Variants in COX19 observed in about 807,000 individuals in gnomAD.
The protein encoded by COX19 is cytochrome c oxidase assembly protein COX19.
A neutral mutation model predicts 6.8 loss-of-function variants in COX19; 8 were observed. That is an observed-to-expected ratio of 1.18 (90% CI 0.69 to 2.12). The LOEUF (loss-of-function observed/expected upper bound fraction) is 2.12, where lower values mean the gene tolerates loss of function less well. Ranked by LOEUF, COX19 falls within the 30% of genes most tolerant of loss-of-function variation. The probability of loss-of-function intolerance (pLI) is 0.00; values close to 1 mark genes in which losing one functional copy is unlikely to be tolerated. For synonymous variants in COX19, 51 were observed against 38.0 expected, an observed-to-expected ratio of 1.34 and a Z score of -1.26; for missense variants, 131 against 104.6, an observed-to-expected ratio of 1.25 and a Z score of -1.10.
chr7:973,057 A>G (rs955516470), intron 2 of COX19, 124 bp downstream of exon 2: 9 of 499,094 alleles, frequency 1.8e-5, no homozygotes, highest in Non-Finnish European at 3.0e-5. Context: ...ACAATTCCAC[A>G]GTCCTGAAAA....
intron 2 of COX19, among the ~76,000 whole-genome samples, chr7:971,981 C>G (rs1847643352): frequency 6.6e-6 from 1 of 152,232 alleles, no homozygotes; most frequent in African/African-American, 2.4e-5. Flanking sequence ...GGCACTGGCC[C>G]TGGCTCCCTT....
At chr7:972,103 C>G (rs537126575) in intron 2 of COX19, among the ~76,000 whole-genome samples, 99 of 152,120 alleles carry the variant, frequency 6.5e-4, no homozygotes, top group Non-Finnish European at 1.3e-3. Flanking sequence ...AGCTTGGCAG[C>G]GCCATGGAGA....
rs1043261004 is a variant in COX19 at position 969,238 on chromosome 7, G to A, written c.*140C>T. ...GGACGCCACTCCCTACCCAGGAGAC[G>A]CCCCCACAGGGCTGGAGCTTCTATT... is the stretch of plus-strand genomic sequence containing the variant. On this transcript the variant is annotated 3_prime_UTR_variant, in exon 3 of 3. Coordinates refer to ENST00000344111, the MANE Select transcript of COX19 (RefSeq NM_001031617.3). 43 of 661,398 alleles carry A rather than the reference G, an allele frequency of 6.5e-5. No individual in the cohort carries two copies. Among genetic ancestry groups the A allele is most frequent in the Middle Eastern group, 6.1e-4 (2 of 3,260 alleles). 41.0% of individuals were successfully genotyped at this position (661,398 alleles called of 1,614,324 possible). A position where few individuals can be genotyped will look rare whatever the true frequency, so the allele number is the denominator to read the frequency against.
rs1399617295 is a variant in COX19 at position 965,164 on chromosome 7, T to A, written c.*4214A>T. On this transcript the variant is annotated 3_prime_UTR_variant, in exon 3 of 3. Coordinates refer to ENST00000344111, the MANE Select transcript of COX19 (RefSeq NM_001031617.3). ...ACCATTCATGCCGGCATCATGCCTATTGGAAACTCTTTGAAGTTATTTTGA... is the reference window on the plus strand; with the variant it reads ...ACCATTCATGCCGGCATCATGCCTAATGGAAACTCTTTGAAGTTATTTTGA... Among the ~76,000 whole-genome samples, 1 of 151,384 alleles carries A rather than the reference T, an allele frequency of 6.6e-6. No homozygotes were observed. Among genetic ancestry groups the A allele is most frequent in the Non-Finnish European group, 1.5e-5 (1 of 68,038 alleles).
chr7:971,012 C>A (rs1459154566), intron 2 of COX19, among the ~76,000 whole-genome samples: 3 of 152,150 alleles, frequency 2.0e-5, no homozygotes, highest in Non-Finnish European at 4.4e-5. Context: ...TGGTGACATG[C>A]CCCCCGATCC....
chr7:971,803 GGAGCTTGCAGT>G (rs1847640094), intron 2 of COX19, among the ~76,000 whole-genome samples: 1 of 152,204 alleles, frequency 6.6e-6, no homozygotes, highest in African/African-American at 2.4e-5. Context: ...CCCGGGAGGC[GGAGCTTGCAGT>G]GAGCTGAGAT....
rs1194025628 is a variant in COX19 at position 968,938 on chromosome 7, A to G, written c.*440T>C. 1 of 153,322 alleles carries G rather than the reference A, an allele frequency of 6.5e-6. No homozygotes were observed. The highest frequency in any genetic ancestry group is 2.4e-5 in the African/African-American group (1 of 41,432). 9.5% of individuals were successfully genotyped at this position (153,322 alleles called of 1,614,324 possible). A position where few individuals can be genotyped will look rare whatever the true frequency, so the allele number is the denominator to read the frequency against. On this transcript the variant is annotated 3_prime_UTR_variant, in exon 3 of 3. Coordinates refer to ENST00000344111, the MANE Select transcript of COX19 (RefSeq NM_001031617.3). The stretch of plus-strand genomic sequence containing the variant: ...TCCACTTTTTTTTTTTTTCAAAGGA[A>G]ATGAACTGGCATATACGAATACAAA...
intron 2 of COX19, among the ~76,000 whole-genome samples, chr7:971,500 C>T (rs140683231): frequency 4.9e-4 from 74 of 151,856 alleles, no homozygotes; most frequent in Non-Finnish European, 7.9e-4. Flanking sequence ...AATAACCAAT[C>T]GAAATTCTAC....
At position 969,264 on chromosome 7, in the gene COX19, C is replaced by A; in HGVS notation, c.*114G>T. ...CCCCCACAGGGCTGGAGCTTCTATT[C>A]GAAGCCCATTTCTAAGGACACCACA... On this transcript the variant is annotated 3_prime_UTR_variant, in exon 3 of 3. Transcript: ENST00000344111. 2 of 725,050 alleles carry A rather than the reference C, an allele frequency of 2.8e-6. No homozygotes were observed. Among genetic ancestry groups the A allele is most frequent in the Non-Finnish European group, 4.9e-6 (2 of 406,344 alleles). The allele number at this position is 725,050 out of a possible 1,614,324, so 44.9% of individuals were successfully genotyped here.
chr7:970,297 G>A (rs1847617777), intron 2 of COX19, among the ~76,000 whole-genome samples: 1 of 151,962 alleles, frequency 6.6e-6, no homozygotes, highest in Non-Finnish European at 1.5e-5. Flanking sequence ...ACCACGCCCG[G>A]CTAATTCTTG....
At chr7:969,637 G>A (rs1193331817) in intron 2 of COX19, among the ~76,000 whole-genome samples, 181 bp from the exon 3 acceptor site, 1 of 152,134 alleles carries the variant, frequency 6.6e-6, no homozygotes, top group Non-Finnish European at 1.5e-5. Flanking sequence ...AGAGTCAACA[G>A]GACAATGAGG....
chr7:971,169 T>G lies in COX19; in HGVS notation c.195-1713A>C, dbSNP rs560110420. Among the ~76,000 whole-genome samples, 4 of 152,278 alleles carry G rather than the reference T, an allele frequency of 2.6e-5. No individual in the cohort carries two copies. In the East Asian group the frequency reaches 5.8e-4, roughly 22 times the overall value. On this transcript the variant is annotated intron_variant, in intron 2 of 2. Transcript: ENST00000344111. ...ACCAGCGTGTCTGTGTGACACCCGG[T>G]GCCTAAAACTAATCCCCAGGACAGG...
chr7:969,926 A>G (rs1562945617), intron 2 of COX19, among the ~76,000 whole-genome samples: 1 of 150,888 alleles, frequency 6.6e-6, no homozygotes, highest in Non-Finnish European at 1.5e-5. Context: ...ACCCAGATGG[A>G]ACTGAGACTC....
At chr7:974,745 G>C (rs1388042417) in intron 1 of COX19, among the ~76,000 whole-genome samples, 1 of 151,288 alleles carries the variant, frequency 6.6e-6, no homozygotes, top group Non-Finnish European at 1.5e-5. Flanking sequence ...TGCAACCTCC[G>C]TCTCCCGGTT....
chr7:969,412 T>C lies in COX19; in HGVS notation c.239A>G (p.Asp80Gly). The stretch of plus-strand genomic sequence containing the variant: ...TGCCTCTGATTTTCCACTAGTCAAG[T>C]CTCCAAATCCCAGTTTCTCCAATGG... ...QEPLEKLGFG[D>G]LTSGKSEAKK The change falls in exon 3 of 3, where the codon GAC (aspartate) becomes GGC (glycine). Residue 80 changes from aspartate to glycine, a missense_variant. Asp to Gly is a moderately conservative substitution (Grantham distance 94). Transcript: ENST00000344111. 1 of 1,612,122 alleles carries C rather than the reference T, an allele frequency of 6.2e-7. No individual in the cohort carries two copies. Among genetic ancestry groups the C allele is most frequent in the Non-Finnish European group, 8.5e-7 (1 of 1,178,296 alleles).
Position 965,217 on chromosome 7 carries a change from T to C in COX19, c.*4161A>G, listed in dbSNP as rs533605409. The stretch of plus-strand genomic sequence containing the variant: ...CGAGAATCGACTCAATCTATTCCAC[T>C]ATAGTTTCATACAAAGCATATTTTT... On this transcript the variant is annotated 3_prime_UTR_variant, in exon 3 of 3. Coordinates refer to ENST00000344111, the MANE Select transcript of COX19 (RefSeq NM_001031617.3). Among the ~76,000 whole-genome samples, 56 of 152,330 alleles carry C rather than the reference T, an allele frequency of 3.7e-4. No individual in the cohort carries two copies. In the South Asian group the frequency reaches 9.5e-3, roughly 26 times the overall value.
rs1024962400 is a variant in COX19, at chr7:969,156, C to T, written c.*222G>A. 20 of 506,496 alleles carry T rather than the reference C, an allele frequency of 3.9e-5. No individual in the cohort carries two copies. The highest frequency in any genetic ancestry group is 2.0e-4 in the African/African-American group (10 of 50,868). The allele number at this position is 506,496 out of a possible 1,614,324, so 31.4% of individuals were successfully genotyped here. A position where few individuals can be genotyped will look rare whatever the true frequency, so the allele number is the denominator to read the frequency against. On this transcript the variant is annotated 3_prime_UTR_variant, in exon 3 of 3. Coordinates refer to ENST00000344111, the MANE Select transcript of COX19 (RefSeq NM_001031617.3). ...ACGCTCGCCTCCCTCCCAGCTTTGC[C>T]GGGAACGCCGTCCCACTCAGGGGTT...
chr7:973,294 T>C lies in COX19; in HGVS notation c.83-2A>G. 1 of 1,582,320 alleles carries C rather than the reference T, an allele frequency of 6.3e-7. No individual in the cohort carries two copies. The highest frequency in any genetic ancestry group is 8.6e-7 in the Non-Finnish European group (1 of 1,166,334). ...TCTCTTTAAAGCTTTTACATTCACCTAGAACGAGAAAGAAAACAGCATGTT... is the reference window on the plus strand; with the variant it reads ...TCTCTTTAAAGCTTTTACATTCACCCAGAACGAGAAAGAAAACAGCATGTT... On this transcript the variant is annotated splice_acceptor_variant, in intron 1 of 2. Coordinates refer to ENST00000344111, the MANE Select transcript of COX19 (RefSeq NM_001031617.3). LOFTEE classifies it high-confidence loss of function.
At chr7:972,085 G>A (rs938003507) in intron 2 of COX19, among the ~76,000 whole-genome samples, 12 of 152,102 alleles carry the variant, frequency 7.9e-5, no homozygotes, top group African/African-American at 1.9e-4. Context: ...AATTCACACC[G>A]TCTCTAAAGC....
Sources: allele counts gnomAD v4.1 joint callset (sites outside exome capture counted in the v4.1 genomes callset), GRCh38; gene constraint gnomAD v4.1.1; transcripts MANE v1.5; gene names NCBI Gene and HGNC (gene_info 2026-07-23, HGNC 2026-07-21).